THSD4: variants seen among roughly 807,000 people sequenced by gnomAD.
The protein encoded by THSD4 is thrombospondin type-1 domain-containing protein 4.
A neutral mutation model predicts 119.0 loss-of-function variants in THSD4; 69 were observed. The observed-to-expected ratio is 0.58, with a 90% CI of 0.48 to 0.71. The LOEUF is 0.71. Among genes scored for constraint, THSD4 ranks in the 30% least tolerant of loss-of-function variants. THSD4 has a pLI of 0.00. For synonymous variants in THSD4, 524 were observed against 540.4 expected (o/e 0.97, Z 0.42); for missense variants, 1,393 against 1,391.1 (o/e 1.00, Z -0.02).
intron 4 of THSD4, among the ~76,000 whole-genome samples, chr15:71,234,333 A>C (rs1372506284): frequency 1.3e-5 from 2 of 152,138 alleles, no homozygotes; most frequent in Non-Finnish European, 2.9e-5. Flanking sequence ...CTGCTAGTCA[A>C]ACTCTCCACT....
intron 7 of THSD4, among the ~76,000 whole-genome samples, chr15:71,524,851 A>G (rs1278839345): frequency 6.9e-6 from 1 of 145,736 alleles, no homozygotes; most frequent in Non-Finnish European, 1.5e-5. Flanking sequence ...TGACCTTGTG[A>G]TCCGCCTGCC....
At chr15:71,150,226 G>T (rs985990678) in intron 2 of THSD4, among the ~76,000 whole-genome samples, 18 of 152,210 alleles carry the variant, frequency 1.2e-4, no homozygotes, top group Non-Finnish European at 2.4e-4. Context: ...ACACATGCAT[G>T]CTCTCTCATT....
chr15:71,721,928 A>T (rs1245908330), intron 8 of THSD4, among the ~76,000 whole-genome samples: 1 of 148,868 alleles, frequency 6.7e-6, no homozygotes, highest in African/African-American at 2.5e-5. Flanking sequence ...AGTGAGCTAT[A>T]ATGGTGCCAC....
intron 6 of THSD4, among the ~76,000 whole-genome samples, chr15:71,277,128 C>CTTCTTTTTTTTTTT (rs1555459953): frequency 2.4e-5 from 3 of 123,020 alleles, no homozygotes; most frequent in East Asian, 2.7e-4. Flanking sequence ...TCTTCTTCTT[C>CTTCTTTTTTTTTTT]TTTTTTTTTT....
intron 7 of THSD4, among the ~76,000 whole-genome samples, chr15:71,591,346 A>C (rs560010861): frequency 6.6e-6 from 1 of 152,364 alleles, no homozygotes; most frequent in East Asian, 1.9e-4. Flanking sequence ...TCTAAGCTCA[A>C]GTGTCATTCT....
upstream of THSD4, chr15:71,113,469 A>G (rs2040322989): frequency 6.6e-6 from 1 of 152,232 alleles, no homozygotes; most frequent in Admixed American, 6.5e-5. Context: ...AAATTAAAAA[A>G]TAACAAACAA....
chr15:71,653,539 A>G (rs879827576), intron 7 of THSD4, among the ~76,000 whole-genome samples: 1 of 152,212 alleles, frequency 6.6e-6, no homozygotes, highest in Non-Finnish European at 1.5e-5. Flanking sequence ...TAAACATCCT[A>G]CAATGCATAA....
chr15:71,776,527 G>A (rs1425703323), intron 17 of THSD4, among the ~76,000 whole-genome samples: 3 of 152,102 alleles, frequency 2.0e-5, no homozygotes, highest in Non-Finnish European at 4.4e-5. Context: ...AAAACATATG[G>A]CAAAAAGAGA....
At chr15:71,608,249 T>TACACACAC (rs55892951) in intron 7 of THSD4, among the ~76,000 whole-genome samples, 2,974 of 106,164 alleles carry the variant, frequency 0.028, 82 homozygotes, top group Middle Eastern at 0.051. Flanking sequence ...TATATATATA[T>TACACACAC]ACACACACAC....
intron 4 of THSD4, among the ~76,000 whole-genome samples, chr15:71,238,684 C>T (rs982853946): frequency 1.3e-5 from 2 of 152,212 alleles, no homozygotes; most frequent in African/African-American, 4.8e-5. Flanking sequence ...TTATTTCTCT[C>T]TACATCAGTT....
chr15:71,777,914 A>G lies in THSD4; in HGVS notation c.*540A>G, dbSNP rs570006296. 6.3e-6 allele frequency: 1 copy of G among 159,408 alleles called. No homozygotes were observed. The highest frequency in any genetic ancestry group is 1.8e-4 in the East Asian group (1 of 5,670). The allele number at this position is 159,408 out of a possible 1,614,324, so 9.9% of individuals were successfully genotyped here. ...AGACTGTTTTCCTGCCCTATGACACAGATAGCTCACATGAATATTGTGCTT... is the reference window on the plus strand; with the variant it reads ...AGACTGTTTTCCTGCCCTATGACACGGATAGCTCACATGAATATTGTGCTT... On this transcript the variant is annotated 3_prime_UTR_variant, in exon 18 of 18. Transcript: ENST00000261862.
chr15:71,552,414 G>A (rs1442635424), intron 7 of THSD4, among the ~76,000 whole-genome samples: 2 of 152,168 alleles, frequency 1.3e-5, no homozygotes, highest in African/African-American at 4.8e-5. Context: ...AAAACTAGTT[G>A]TCACTCTTCA....
chr15:71,735,571 G>A lies in THSD4; in HGVS notation c.1631-2161G>A, dbSNP rs953885885. ...CTCTTTATTGCTCTCTGTCTCTCTCGCACTCTCTGTTTCTCTCTCTCTCTC... is the reference window on the plus strand; with the variant it reads ...CTCTTTATTGCTCTCTGTCTCTCTCACACTCTCTGTTTCTCTCTCTCTCTC... On this transcript the variant is annotated intron_variant, in intron 10 of 17. Coordinates refer to ENST00000261862, the MANE Select transcript of THSD4 (RefSeq NM_024817.3). Among the ~76,000 whole-genome samples the A allele has an allele frequency of 8.3e-5, 11 of 132,848 alleles. 1 individual carries two copies. Among genetic ancestry groups the A allele is most frequent in the South Asian group, 5.1e-4 (2 of 3,892 alleles). The allele number at this position is 132,848 out of a possible 152,430, so 87.2% of individuals were successfully genotyped here.
intron 7 of THSD4, among the ~76,000 whole-genome samples, chr15:71,655,807 T>C (rs1209224532): frequency 1.3e-5 from 2 of 152,182 alleles, no homozygotes; most frequent in African/African-American, 4.8e-5. Context: ...GTCGTCCCTA[T>C]CAGCGACCAA....
At chr15:71,559,848 A>G (rs1328215149) in intron 7 of THSD4, among the ~76,000 whole-genome samples, 1 of 152,218 alleles carries the variant, frequency 6.6e-6, no homozygotes, top group Non-Finnish European at 1.5e-5. Context: ...TGTGGTTAGC[A>G]TATCGTGAGA....
At chr15:71,593,922 C>CA (rs947159021) in intron 7 of THSD4, among the ~76,000 whole-genome samples, 28 of 136,564 alleles carry the variant, frequency 2.1e-4, no homozygotes, top group Middle Eastern at 3.7e-3. Context: ...ACCCCCCCGG[C>CA]AAAAAAAAAA....
intron 6 of THSD4, among the ~76,000 whole-genome samples, chr15:71,403,302 C>T (rs2046562590): frequency 6.6e-6 from 1 of 152,094 alleles, no homozygotes; most frequent in Non-Finnish European, 1.5e-5. Context: ...GCTTTATTTT[C>T]TCCTAAGGAT....
At chr15:71,514,453 G>C (rs1310538526) in intron 7 of THSD4, among the ~76,000 whole-genome samples, 2 of 152,152 alleles carry the variant, frequency 1.3e-5, no homozygotes, top group East Asian at 3.9e-4. Context: ...TATCATCATA[G>C]TCCCACCTCT....
At chr15:71,174,092 A>C (rs1016592255) in intron 3 of THSD4, among the ~76,000 whole-genome samples, 1 of 152,220 alleles carries the variant, frequency 6.6e-6, no homozygotes, top group African/African-American at 2.4e-5. Flanking sequence ...ACTGGACTTC[A>C]TGAAAATTAA....
Sources: allele counts gnomAD v4.1 joint callset (sites outside exome capture counted in the v4.1 genomes callset), GRCh38; gene constraint gnomAD v4.1.1; transcripts MANE v1.5; gene names NCBI Gene and HGNC (gene_info 2026-07-23, HGNC 2026-07-21).